The following SPECC1L variants were observed in gnomAD, a reference collection of about 807,000 sequenced individuals.
SPECC1L encodes the protein cytospin-A.
In SPECC1L, 40 loss-of-function variants were observed where a neutral mutation model predicts 116.8. That is an observed-to-expected ratio of 0.34 (90% confidence interval 0.27 to 0.45). The LOEUF (loss-of-function observed/expected upper bound fraction) is 0.45, where lower values mean the gene tolerates loss of function less well. SPECC1L is among the 20% of genes least tolerant of loss of function. The pLI is 1.00. For synonymous variants in SPECC1L, 504 were observed against 500.6 expected (o/e 1.01, Z -0.09); for missense variants, 1,110 against 1,373.6 (o/e 0.81, Z 3.03).
intron 10 of SPECC1L, 114 bp from the exon 11 acceptor site, chr22:24,346,972 C>A: frequency 1.2e-6 from 1 of 831,248 alleles, no homozygotes; most frequent in Non-Finnish European, 2.1e-6. Context: ...CTTACTATAG[C>A]AGTATGGAAA....
chr22:24,343,454 T>G lies in SPECC1L; in HGVS notation c.2653-3632T>G, dbSNP rs372575294. ...AGAAGACAACAAAATGGTTGTGTTT[T>G]TTTTTTGTTTTGTTTTGTTTTTTTG... is the stretch of plus-strand genomic sequence containing the variant. On this transcript the variant is annotated intron_variant, in intron 10 of 16. Coordinates refer to ENST00000314328, the MANE Select transcript of SPECC1L (RefSeq NM_015330.6). The G allele has an allele frequency of 6.9e-5, 31 of 449,150 alleles. No homozygotes were observed. In the East Asian group the frequency reaches 1.9e-3, roughly 27 times the overall value. 27.8% of individuals were successfully genotyped at this position (449,150 alleles called of 1,614,324 possible).
chr22:24,279,570 A>ATTATTATT (rs2048902473), intron 2 of SPECC1L, among the ~76,000 whole-genome samples: 2 of 150,462 alleles, frequency 1.3e-5, no homozygotes, highest in Non-Finnish European at 3.0e-5. Flanking sequence ...TTATTTTTTT[A>ATTATTATT]ATTATTATTA....
rs1036104303 is a variant in SPECC1L at position 24,415,961 on chromosome 22, A to G, written c.*1338A>G. 8 of 152,346 alleles carry G rather than the reference A, an allele frequency of 5.3e-5. No homozygotes were observed. Among genetic ancestry groups the G allele is most frequent in the Non-Finnish European group, 7.3e-5 (5 of 68,028 alleles). 9.4% of individuals were successfully genotyped at this position (152,346 alleles called of 1,614,324 possible). On this transcript the variant is annotated 3_prime_UTR_variant, in exon 17 of 17. Transcript: ENST00000314328. ...TGAACAATGTCCAGACAAGACCTGT[A>G]CCTTTGAGAATATAACTGTGTTTGG... is the stretch of plus-strand genomic sequence containing the variant.
chr22:24,416,268 G>A lies in SPECC1L; in HGVS notation c.*1645G>A, dbSNP rs1046106081. The A allele has an allele frequency of 2.6e-5, 4 of 152,244 alleles. No individual in the cohort carries two copies. Among genetic ancestry groups the A allele is most frequent in the Non-Finnish European group, 5.9e-5 (4 of 68,058 alleles). The allele number at this position is 152,244 out of a possible 1,614,324, so 9.4% of individuals were successfully genotyped here. On this transcript the variant is annotated 3_prime_UTR_variant, in exon 17 of 17. Transcript: ENST00000314328. Reference sequence around the variant, plus strand: ...TCAGCCCTGCCCAGATGTCAGCCTGGGAGCTCAGGCTGCTGCCGCTGGCTG... The same window carrying A: ...TCAGCCCTGCCCAGATGTCAGCCTGAGAGCTCAGGCTGCTGCCGCTGGCTG...
intron 4 of SPECC1L, 97 bp from the exon 5 acceptor site, chr22:24,321,191 G>T (rs1030614007): frequency 1.5e-5 from 20 of 1,353,744 alleles, no homozygotes; most frequent in Non-Finnish European, 2.0e-5. Context: ...GTAGATCCTG[G>T]ATTTCATCTC....
At chr22:24,373,924 T>C (rs1255434103) in intron 14 of SPECC1L, among the ~76,000 whole-genome samples, 1 of 150,574 alleles carries the variant, frequency 6.6e-6, no homozygotes, top group Admixed American at 6.6e-5. Context: ...CAAACAAATA[T>C]ACAAGAAAAA....
chr22:24,378,628 T>C (rs1161210238), intron 14 of SPECC1L, among the ~76,000 whole-genome samples: 1 of 152,174 alleles, frequency 6.6e-6, no homozygotes, highest in Non-Finnish European at 1.5e-5. Context: ...CATTGTAGGG[T>C]TATTAATTGG....
intron 14 of SPECC1L, among the ~76,000 whole-genome samples, chr22:24,378,845 A>T (rs2042014544): frequency 6.6e-6 from 1 of 152,156 alleles, no homozygotes. Flanking sequence ...TAACAGTTAT[A>T]ATAATAATGA....
At chr22:24,388,231 CCT>C (rs1369194269) in intron 14 of SPECC1L, among the ~76,000 whole-genome samples, 303 of 113,668 alleles carry the variant, frequency 2.7e-3, no homozygotes, top group African/African-American at 9.3e-3. Context: ...ATCCCTCCCC[CCT>C]CCCCCCACCC....
chr22:24,275,257 G>A (rs1346133449), intron 1 of SPECC1L, among the ~76,000 whole-genome samples: 1 of 152,268 alleles, frequency 6.6e-6, no homozygotes, highest in Non-Finnish European at 1.5e-5. Flanking sequence ...GCTGGGCACG[G>A]CAGTGTTACA....
At chr22:24,305,525 A>G (rs2049475762) in intron 3 of SPECC1L, among the ~76,000 whole-genome samples, 1 of 152,070 alleles carries the variant, frequency 6.6e-6, no homozygotes, top group African/African-American at 2.4e-5. Context: ...AATCCATGGG[A>G]TGAATATACC....
chr22:24,289,033 G>A (rs1569405441), intron 2 of SPECC1L, among the ~76,000 whole-genome samples: 1 of 152,230 alleles, frequency 6.6e-6, no homozygotes, highest in Non-Finnish European at 1.5e-5. Context: ...TGTTATAAAT[G>A]TACAAATAGA....
At chr22:24,412,342 A>C in intron 15 of SPECC1L, 1 of 473,274 alleles carries the variant, frequency 2.1e-6, no homozygotes, top group Non-Finnish European at 3.9e-6. Context: ...AGTGTTCCTA[A>C]CTAGCTTTTG....
chr22:24,409,510 A>T (rs2042652075), intron 14 of SPECC1L, among the ~76,000 whole-genome samples: 1 of 152,182 alleles, frequency 6.6e-6, no homozygotes, highest in Non-Finnish European at 1.5e-5. Flanking sequence ...ACTCTGGGCC[A>T]GGTAAGGTGG....
chr22:24,397,489 C>T (rs527310895), intron 14 of SPECC1L, among the ~76,000 whole-genome samples: 1 of 152,082 alleles, frequency 6.6e-6, no homozygotes, highest in South Asian at 2.1e-4. Flanking sequence ...CTGTCTCAGC[C>T]GGTGTCAGGT....
In SPECC1L at chr22:24,322,570, T is replaced by C. The variant is rs1041053477; in HGVS notation, c.1590T>C (p.Ala530=). Residue 530 remains alanine (A), a synonymous_variant, in exon 5 of 17, where the codon GCT becomes GCC. Transcript: ENST00000314328. ...LKMAEQDNKE[A]QEMIGALKER... ...TGGCAGAACAAGACAATAAGGAAGC[T>C]CAAGAAATGATAGGGGCACTCAAAG... The C allele has an allele frequency of 6.2e-7, 1 of 1,614,124 alleles. No individual in the cohort carries two copies. Among genetic ancestry groups the C allele is most frequent in the Admixed American group, 1.7e-5 (1 of 60,006 alleles).
intron 13 of SPECC1L, among the ~76,000 whole-genome samples, chr22:24,368,000 G>A (rs949366905): frequency 6.6e-6 from 1 of 152,126 alleles, no homozygotes; most frequent in Non-Finnish European, 1.5e-5. Flanking sequence ...CTTCCAGAGT[G>A]TGACCAAAAG....
At chr22:24,305,512 A>G (rs2049474955) in intron 3 of SPECC1L, among the ~76,000 whole-genome samples, 2 of 151,922 alleles carry the variant, frequency 1.3e-5, no homozygotes, top group Non-Finnish European at 2.9e-5. Flanking sequence ...ATTGTTGGTT[A>G]GTAATCCATG....
At chr22:24,273,030 A>G (rs930640108) in intron 1 of SPECC1L, among the ~76,000 whole-genome samples, 3 of 152,346 alleles carry the variant, frequency 2.0e-5, no homozygotes, top group Non-Finnish European at 1.5e-5. Flanking sequence ...CAAGTACAGT[A>G]TCTAGTGAGT....
Sources: gnomAD v4.1 joint callset for allele counts (sites outside exome capture counted in the v4.1 genomes callset) on GRCh38, gnomAD v4.1.1 for gene constraint, MANE v1.5 for transcripts, NCBI Gene and HGNC (gene_info 2026-07-23, HGNC 2026-07-21) for gene names.